Variants in KSR2 observed in about 807,000 individuals in gnomAD.
The protein encoded by KSR2 is kinase suppressor of ras 2.
Under a neutral mutation model 107.8 loss-of-function variants are expected in KSR2, and 25 were observed. That is an observed-to-expected ratio of 0.23 (90% CI 0.17 to 0.32). KSR2 has a LOEUF of 0.32. KSR2 is among the 10% of genes least tolerant of loss of function. The pLI is 1.00. For synonymous variants in KSR2, 480 were observed against 507.0 expected, an observed-to-expected ratio of 0.95 and a Z score of 0.71; for missense variants, 887 against 1,268.9, an observed-to-expected ratio of 0.70 and a Z score of 4.57.
At chr12:117,892,030 G>A (rs971837420) in intron 1 of KSR2, among the ~76,000 whole-genome samples, 1 of 118,744 alleles carries the variant, frequency 8.4e-6, no homozygotes, top group Non-Finnish European at 1.7e-5. Context: ...CCAGTGCGGT[G>A]GCTGACGCCT....
In KSR2 at chr12:117,770,080, C is replaced by T. The variant is rs919287252; in HGVS notation, c.473-8556G>A. Among the ~76,000 whole-genome samples the T allele has an allele frequency of 2.6e-5, 4 of 151,884 alleles. No homozygotes were observed. In the South Asian group the frequency reaches 8.3e-4, roughly 32 times the overall value. ...AAAAAAAAAAAAAGAATCATCCAGT[C>T]CTTATTCCTGGTCTTGGCAGGTGCT... On this transcript the variant is annotated intron_variant, in intron 3 of 19. Transcript: ENST00000339824.
chr12:117,885,975 A>G (rs1224256555), intron 1 of KSR2, among the ~76,000 whole-genome samples: 2 of 152,020 alleles, frequency 1.3e-5, no homozygotes, highest in Non-Finnish European at 2.9e-5. Context: ...GGACGCCTGT[A>G]GCCCCAGCTA....
At position 117,458,513 on chromosome 12, in the gene KSR2, C is replaced by T. The variant is rs1027169005; in HGVS notation, c.*8686G>A. On this transcript the variant is annotated 3_prime_UTR_variant, in exon 20 of 20. Transcript: ENST00000339824. ...AATAGCATGTTGGCATAAACAAGTG[C>T]TGCCCGCTCAATGGAGGGAGGGAGC... 1.3e-5 allele frequency: 2 copies of T among 152,072 alleles called. No individual in the cohort carries two copies. The highest frequency in any genetic ancestry group is 4.8e-5 in the African/African-American group (2 of 41,410). The allele number at this position is 152,072 out of a possible 1,614,324, so 9.4% of individuals were successfully genotyped here.
intron 4 of KSR2, among the ~76,000 whole-genome samples, chr12:117,757,382 C>T (rs549830342): frequency 6.6e-6 from 1 of 152,316 alleles, no homozygotes; most frequent in African/African-American, 2.4e-5. Context: ...ATGGAATCCA[C>T]TCCAGGTAAA....
intron 3 of KSR2, among the ~76,000 whole-genome samples, chr12:117,803,431 A>G (rs1261475178): frequency 6.6e-6 from 1 of 152,194 alleles, no homozygotes; most frequent in Non-Finnish European, 1.5e-5. Flanking sequence ...GGCCAGGCGC[A>G]GTGGCTCACG....
intron 3 of KSR2, among the ~76,000 whole-genome samples, chr12:117,798,719 A>AT (rs1229513077): frequency 2.4e-5 from 2 of 81,982 alleles, no homozygotes; most frequent in Non-Finnish European, 4.5e-5. Flanking sequence ...CAAAAAAAAA[A>AT]AATATATATA....
intron 4 of KSR2, among the ~76,000 whole-genome samples, chr12:117,678,038 C>T (rs1302320410): frequency 2.0e-5 from 3 of 151,760 alleles, no homozygotes; most frequent in African/African-American, 4.8e-5. Flanking sequence ...GGGTTCAACT[C>T]GTTCTTCTGC....
At chr12:117,803,527 C>A (rs575345369) in intron 3 of KSR2, among the ~76,000 whole-genome samples, 10 of 152,084 alleles carry the variant, frequency 6.6e-5, no homozygotes, top group Middle Eastern at 3.4e-3. Flanking sequence ...ATGGTGAAAC[C>A]CCGTCTCTAC....
intron 3 of KSR2, among the ~76,000 whole-genome samples, chr12:117,803,718 A>T (rs4466917): frequency 0.076 from 11,560 of 152,188 alleles, 1,296 homozygotes; most frequent in African/African-American, 0.24. Flanking sequence ...AAATTAAATT[A>T]AATTTAAAAA....
At chr12:117,770,900 C>A (rs1435717122) in intron 3 of KSR2, among the ~76,000 whole-genome samples, 1 of 149,140 alleles carries the variant, frequency 6.7e-6, no homozygotes, top group African/African-American at 2.5e-5. Context: ...TGGTGTGAAC[C>A]CGGGAGGCGG....
intron 5 of KSR2, among the ~76,000 whole-genome samples, chr12:117,631,847 A>G (rs1422271666): frequency 9.9e-5 from 15 of 152,208 alleles, no homozygotes; most frequent in Admixed American, 9.8e-4. Context: ...ATCATTCATT[A>G]AACAAAATTG....
chr12:117,652,348 A>G (rs1475820062), intron 5 of KSR2, among the ~76,000 whole-genome samples: 1 of 152,164 alleles, frequency 6.6e-6, no homozygotes, highest in Non-Finnish European at 1.5e-5. Context: ...GAATACTCTG[A>G]CTCATGTAGA....
At chr12:117,921,540 A>G (rs1895348380) in intron 1 of KSR2, among the ~76,000 whole-genome samples, 1 of 152,122 alleles carries the variant, frequency 6.6e-6, no homozygotes, top group Non-Finnish European at 1.5e-5. Context: ...AAGGCAGTTA[A>G]CACACAGGCT....
At chr12:117,883,292 TA>T (rs568968647) in intron 1 of KSR2, among the ~76,000 whole-genome samples, 1 of 152,316 alleles carries the variant, frequency 6.6e-6, no homozygotes, top group South Asian at 2.1e-4. Context: ...TTATTAATAA[TA>T]AAAAACAGTT....
At chr12:117,883,954 C>A (rs1056248530) in intron 1 of KSR2, among the ~76,000 whole-genome samples, 1 of 151,414 alleles carries the variant, frequency 6.6e-6, no homozygotes. Flanking sequence ...ACTACAGTCA[C>A]GGAAAGCAGG....
chr12:117,546,563 G>A (rs1487833279), intron 9 of KSR2, among the ~76,000 whole-genome samples: 1 of 152,142 alleles, frequency 6.6e-6, no homozygotes, highest in Non-Finnish European at 1.5e-5. Flanking sequence ...TTTCAGCTCT[G>A]TCCTCTTTCT....
At chr12:117,908,334 G>A (rs184831338) in intron 1 of KSR2, among the ~76,000 whole-genome samples, 54 of 151,810 alleles carry the variant, frequency 3.6e-4, no homozygotes, top group African/African-American at 1.2e-3. Context: ...AACCCACTGG[G>A]ATATGTACTG....
At chr12:117,574,055 G>A (rs987159805) in intron 7 of KSR2, among the ~76,000 whole-genome samples, 7 of 152,158 alleles carry the variant, frequency 4.6e-5, no homozygotes, top group African/African-American at 1.7e-4. Flanking sequence ...TACTTCTAAT[G>A]TAGAGTGGTG....
At chr12:117,760,955 C>CA in intron 4 of KSR2, 56 bp downstream of exon 4, 1 of 1,604,212 alleles carries the variant, frequency 6.2e-7, no homozygotes, top group South Asian at 1.1e-5. Context: ...GACCAAGGGG[C>CA]AGCCCCTCGC....
Sources: allele counts gnomAD v4.1 joint callset (sites outside exome capture counted in the v4.1 genomes callset), GRCh38; gene constraint gnomAD v4.1.1; transcripts MANE v1.5; gene names NCBI Gene and HGNC (gene_info 2026-07-23, HGNC 2026-07-21).